MSI1: variants seen among roughly 807,000 people sequenced by gnomAD.
MSI1 encodes the protein RNA-binding protein Musashi homolog 1.
MSI1 carries 15 observed loss-of-function variants against 54.4 expected under a neutral mutation model. The observed-to-expected ratio is 0.28, with a 90% CI of 0.18 to 0.42. MSI1 has a LOEUF of 0.42. MSI1 is among the 20% of genes least tolerant of loss of function. The pLI is 1.00. For missense variants in MSI1, 304 were observed against 506.0 expected (o/e 0.60, Z 3.83); for synonymous variants, 200 against 196.5 (o/e 1.02, Z -0.15).
At chr12:120,358,826 G>T (rs780293967) in intron 7 of MSI1, among the ~76,000 whole-genome samples, 179 bp downstream of exon 7, 1 of 152,140 alleles carries the variant, frequency 6.6e-6, no homozygotes, top group Non-Finnish European at 1.5e-5. Context: ...TCTGCAATTC[G>T]GCAAGTTTCT....
chr12:120,340,127 C>T (rs989599221), downstream of MSI1, among the ~76,000 whole-genome samples: 9 of 150,720 alleles, frequency 6.0e-5, no homozygotes, highest in Middle Eastern at 3.2e-3. Flanking sequence ...CACTCCGTCA[C>T]CCAGGCTGGA....
At chr12:120,363,346 T>G (rs1592948287) in intron 5 of MSI1, among the ~76,000 whole-genome samples, 1 of 142,658 alleles carries the variant, frequency 7.0e-6, no homozygotes, top group Admixed American at 7.2e-5. Flanking sequence ...CTGGCTCGAG[T>G]GTGCCTCCTT....
intron 12 of MSI1, 131 bp downstream of exon 12, chr12:120,347,296 TGCCCAGCACAGAGCAGGTA>T: frequency 2.0e-6 from 2 of 1,019,042 alleles, no homozygotes; most frequent in African/African-American, 3.2e-5. Context: ...GCTGGCACGA[TGCCCAGCACAGAGCAGGTA>T]ATCAGGTGAT....
chr12:120,358,657 G>A (rs1164761203), intron 7 of MSI1, among the ~76,000 whole-genome samples: 3 of 152,078 alleles, frequency 2.0e-5, no homozygotes, highest in Non-Finnish European at 2.9e-5. Flanking sequence ...GACTGCCTGG[G>A]GCTGTGGAGT....
chr12:120,350,628 C>T (rs1874515589), intron 11 of MSI1, among the ~76,000 whole-genome samples: 1 of 152,136 alleles, frequency 6.6e-6, no homozygotes, highest in Non-Finnish European at 1.5e-5. Context: ...GACAGAGAAA[C>T]CCCCTGCAGC....
chr12:120,356,672 A>C (rs931255895), intron 9 of MSI1, among the ~76,000 whole-genome samples: 3 of 152,206 alleles, frequency 2.0e-5, no homozygotes, highest in Non-Finnish European at 4.4e-5. Context: ...GGACCAATGA[A>C]TATGGTTGGA....
At chr12:120,357,234 T>C (rs1019103698) in intron 8 of MSI1, among the ~76,000 whole-genome samples, 2 of 152,274 alleles carry the variant, frequency 1.3e-5, no homozygotes, top group Non-Finnish European at 1.5e-5. Flanking sequence ...ATACTACCAA[T>C]ACTATGATGG....
intron 11 of MSI1, among the ~76,000 whole-genome samples, chr12:120,350,727 G>A (rs568880144): frequency 3.9e-4 from 59 of 152,284 alleles, no homozygotes; most frequent in Admixed American, 1.2e-3. Flanking sequence ...CCAGGAAACC[G>A]GCCCCCTGTC....
intron 5 of MSI1, 83 bp from the exon 6 acceptor site, chr12:120,363,218 G>T: frequency 8.5e-7 from 1 of 1,174,812 alleles, no homozygotes; most frequent in South Asian, 1.2e-5. Context: ...CCCCTGCCAG[G>T]ATGCCAGCTG....
chr12:120,356,244 C>G (rs373061979), intron 9 of MSI1, among the ~76,000 whole-genome samples: 1 of 152,102 alleles, frequency 6.6e-6, no homozygotes, highest in East Asian at 1.9e-4. Flanking sequence ...ATAAATATTA[C>G]CTGAATGAAT....
At chr12:120,363,195 A>G in intron 5 of MSI1, 60 bp from the exon 6 acceptor site, 1 of 1,447,972 alleles carries the variant, frequency 6.9e-7, no homozygotes, top group Admixed American at 1.7e-5. Context: ...CGCCACCAGC[A>G]GGGGCTCGAG....
chr12:120,361,956 G>A (rs1253893508), intron 6 of MSI1, among the ~76,000 whole-genome samples: 2 of 151,790 alleles, frequency 1.3e-5, no homozygotes. Context: ...TCAGATTAGT[G>A]CGAGCTCTAA....
At chr12:120,340,391 G>GTT (rs1159788957), downstream of MSI1, among the ~76,000 whole-genome samples, 1 of 152,134 alleles carries the variant, frequency 6.6e-6, no homozygotes, top group Non-Finnish European at 1.5e-5. Context: ...GCCCAAAATA[G>GTT]CTGTTATCTT....
At chr12:120,340,542 T>C (rs893779618), downstream of MSI1, among the ~76,000 whole-genome samples, 9 of 152,152 alleles carry the variant, frequency 5.9e-5, no homozygotes, top group East Asian at 7.7e-4. Context: ...AATGAGAGCA[T>C]CTTGCTCTGT....
chr12:120,360,844 G>A (rs1248155231), intron 6 of MSI1, among the ~76,000 whole-genome samples: 3 of 150,744 alleles, frequency 2.0e-5, no homozygotes, highest in African/African-American at 7.3e-5. Context: ...TTTTGGAAAA[G>A]GGTTCTCGCT....
At chr12:120,361,682 C>G (rs1875656799) in intron 6 of MSI1, among the ~76,000 whole-genome samples, 1 of 151,210 alleles carries the variant, frequency 6.6e-6, no homozygotes, top group Non-Finnish European at 1.5e-5. Context: ...GCCATGGCGG[C>G]TGACCATTGT....
At chr12:120,356,640 C>G (rs943420079) in intron 9 of MSI1, among the ~76,000 whole-genome samples, 4 of 152,148 alleles carry the variant, frequency 2.6e-5, no homozygotes, top group African/African-American at 9.7e-5. Flanking sequence ...GATGGATGGA[C>G]GAGAGAATGG....
chr12:120,361,891 T>C (rs1362171347), intron 6 of MSI1, among the ~76,000 whole-genome samples: 3 of 150,868 alleles, frequency 2.0e-5, no homozygotes, highest in Admixed American at 1.3e-4. Flanking sequence ...TGGGGCCCGG[T>C]TGCCATGGCA....
intron 7 of MSI1, 42 bp from the exon 8 acceptor site, chr12:120,357,940 G>C (rs769262850): frequency 1.3e-6 from 2 of 1,584,458 alleles, no homozygotes; most frequent in African/African-American, 2.7e-5. Flanking sequence ...CAGAACCAGA[G>C]CGCAGGGTCA....
Sources: allele counts gnomAD v4.1 joint callset (sites outside exome capture counted in the v4.1 genomes callset), GRCh38; gene constraint gnomAD v4.1.1; transcripts MANE v1.5; gene names NCBI Gene and HGNC (gene_info 2026-07-23, HGNC 2026-07-21).